Variants in MYO5A observed in about 807,000 individuals in gnomAD.
MYO5A encodes the protein myosin VA.
Under a neutral mutation model 249.7 loss-of-function variants are expected in MYO5A, and 98 were observed. The observed-to-expected ratio is 0.39, with a 90% CI of 0.33 to 0.46. The LOEUF (loss-of-function observed/expected upper bound fraction) is 0.46, where lower values mean the gene tolerates loss of function less well. MYO5A is among the 20% of genes least tolerant of loss of function. The probability of loss-of-function intolerance (pLI) is 0.98; values close to 1 mark genes in which losing one functional copy is unlikely to be tolerated. For synonymous variants in MYO5A, 778 were observed against 810.6 expected (o/e 0.96, Z 0.68); for missense variants, 1,696 against 2,308.8 (o/e 0.73, Z 5.44).
chr15:52,426,036 A>G, intron 3 of MYO5A, 62 bp from the exon 4 acceptor site: 1 of 1,427,472 alleles, frequency 7.0e-7, no homozygotes, highest in African/African-American at 1.4e-5. Flanking sequence ...TGGGCATATC[A>G]AACTTAGTAA....
At chr15:52,355,733 T>C (rs2040187804) in intron 25 of MYO5A, among the ~76,000 whole-genome samples, 1 of 152,208 alleles carries the variant, frequency 6.6e-6, no homozygotes, top group Admixed American at 6.5e-5. Flanking sequence ...GTAGAGATGA[T>C]TTAAAGAATA....
chr15:52,364,220 C>G (rs2040691899), intron 24 of MYO5A, among the ~76,000 whole-genome samples: 1 of 150,970 alleles, frequency 6.6e-6, no homozygotes, highest in Non-Finnish European at 1.5e-5. Flanking sequence ...CCTGGTGACA[C>G]AGGGAGACTC....
intron 1 of MYO5A, among the ~76,000 whole-genome samples, chr15:52,524,423 A>G (rs986177034): frequency 6.6e-5 from 10 of 151,746 alleles, no homozygotes; most frequent in Admixed American, 3.9e-4. Flanking sequence ...GTTTGGTAGC[A>G]CATGCCTGTA....
At chr15:52,506,087 C>T (rs995002477) in intron 1 of MYO5A, among the ~76,000 whole-genome samples, 1 of 152,108 alleles carries the variant, frequency 6.6e-6, no homozygotes, top group Non-Finnish European at 1.5e-5. Flanking sequence ...CGCTGTGGCT[C>T]ATGCCTGTAA....
At chr15:52,458,678 A>T (rs1457982031) in intron 1 of MYO5A, among the ~76,000 whole-genome samples, 1 of 152,134 alleles carries the variant, frequency 6.6e-6, no homozygotes, top group Non-Finnish European at 1.5e-5. Flanking sequence ...GGATATTCTA[A>T]ATACCATATT....
chr15:52,385,639 A>G (rs1261370644), intron 14 of MYO5A, among the ~76,000 whole-genome samples: 1 of 152,114 alleles, frequency 6.6e-6, no homozygotes, highest in Non-Finnish European at 1.5e-5. Flanking sequence ...GACAAAACAC[A>G]TAAATACACA....
chr15:52,356,357 T>C (rs543112556), intron 25 of MYO5A, among the ~76,000 whole-genome samples: 254 of 152,262 alleles, frequency 1.7e-3, no homozygotes, highest in African/African-American at 5.9e-3. Context: ...GCCATAATCC[T>C]ATCGCCACAG....
At position 52,377,348 on chromosome 15, in the gene MYO5A, G is replaced by A. The variant is rs113517860; in HGVS notation, c.2209-790C>T. Among the ~76,000 whole-genome samples, 928 of 151,996 alleles carry A rather than the reference G, an allele frequency of 6.1e-3. 10 individuals are homozygous for A. The highest frequency in any genetic ancestry group is 0.021 in the African/African-American group (887 of 41,452). Reference sequence around the variant, plus strand: ...GAGGCAGGGGAATTGCTTGAACCCAGGAGGTGGAGGTTGCAGTGAGCCAAG... The same window carrying A: ...GAGGCAGGGGAATTGCTTGAACCCAAGAGGTGGAGGTTGCAGTGAGCCAAG... On this transcript the variant is annotated intron_variant, in intron 18 of 41. Coordinates refer to ENST00000399233, the MANE Select transcript of MYO5A (RefSeq NM_001382347.1).
chr15:52,405,819 T>C (rs927186178), intron 8 of MYO5A, among the ~76,000 whole-genome samples: 2 of 152,268 alleles, frequency 1.3e-5, no homozygotes. Context: ...TTGTCATCAT[T>C]GTCACACACT....
At position 52,453,731 on chromosome 15, in the gene MYO5A, T is replaced by A. The variant is rs554809494; in HGVS notation, c.28-20446A>T. Among the ~76,000 whole-genome samples the A allele has an allele frequency of 3.9e-3, 595 of 152,100 alleles. 5 individuals carry two copies. The highest frequency in any genetic ancestry group is 0.012 in the African/African-American group (510 of 41,520). On this transcript the variant is annotated intron_variant, in intron 1 of 41. Coordinates refer to ENST00000399233, the MANE Select transcript of MYO5A (RefSeq NM_001382347.1). ...GGAATTAGATTATAGAGGTTTTTTT[T>A]AAAAAAATATTTCTGCATTTCTGTC...
intron 18 of MYO5A, among the ~76,000 whole-genome samples, chr15:52,376,939 T>C (rs1194140118): frequency 6.6e-6 from 1 of 152,146 alleles, no homozygotes; most frequent in Non-Finnish European, 1.5e-5. Context: ...GTATATTCCA[T>C]GAGAAGCTGA....
intron 38 of MYO5A, among the ~76,000 whole-genome samples, chr15:52,320,386 T>C (rs2038241700): frequency 1.3e-5 from 2 of 152,116 alleles, no homozygotes; most frequent in African/African-American, 4.8e-5. Context: ...GGGGTAAGGA[T>C]TTAGATTGGG....
intron 1 of MYO5A, among the ~76,000 whole-genome samples, chr15:52,467,091 C>T (rs1466533644): frequency 6.6e-6 from 1 of 152,184 alleles, no homozygotes; most frequent in East Asian, 1.9e-4. Flanking sequence ...TCTTCAGATA[C>T]ACAGAAATCA....
Position 52,314,189 on chromosome 15 carries a change from C to T in MYO5A, c.5424G>A (p.Leu1808=). 6.2e-7 allele frequency: 1 copy of T among 1,610,428 alleles called. No individual in the cohort carries two copies. Among genetic ancestry groups the T allele is most frequent in the Non-Finnish European group, 8.5e-7 (1 of 1,177,018 alleles). ...ALTTAQIVKV[L]NLYTPVNEFE... is the part of the protein sequence containing the mutation. ...ACTCATTAACTGGAGTATACAAATT[C>T]AACACTTTCACAATCTGTGAGAAAT... Residue 1808 remains leucine (L), a synonymous_variant, in exon 41 of 42, where the codon TTG becomes TTA. Coordinates refer to ENST00000399233, the MANE Select transcript of MYO5A (RefSeq NM_001382347.1).
At position 52,479,374 on chromosome 15, in the gene MYO5A, C is replaced by T. The variant is rs117947083; in HGVS notation, c.28-46089G>A. On this transcript the variant is annotated intron_variant, in intron 1 of 41. Coordinates refer to ENST00000399233, the MANE Select transcript of MYO5A (RefSeq NM_001382347.1). ...TATACTTTATGTATTCATGACATAA[C>T]TTTTTCTTATTTTTTTCGATATTTC... 8.1e-3 allele frequency among the ~76,000 whole-genome samples: 1,236 copies of T among 152,074 alleles called. 6 individuals are homozygous for T. The highest frequency in any genetic ancestry group is 0.012 in the Admixed American group (184 of 15,274).
In MYO5A at chr15:52,384,226, C is replaced by T. The variant is rs753894018; in HGVS notation, c.1849G>A (p.Ala617Thr). ...SGRTPLTRTP[A>T]KPTKGRPGQM... Reference sequence around the variant, plus strand: ...CCTGGTCTGCCTTTGGTGGGCTTTGCAGGAGTTCGTGTGAGGGGTGTGCGC... The same window carrying T: ...CCTGGTCTGCCTTTGGTGGGCTTTGTAGGAGTTCGTGTGAGGGGTGTGCGC... The change falls in exon 15 of 42, where the codon GCA (alanine) becomes ACA (threonine). Residue 617 changes from alanine (A) to threonine (T), a missense_variant. Around this residue, in one of 5 missense-constraint regions of MYO5A, gnomAD observed 277 missense variants for 422.4 expected, o/e 0.66. Transcript: ENST00000399233. The T allele has an allele frequency of 6.2e-7, 1 of 1,614,182 alleles. No homozygotes were observed. Among genetic ancestry groups the T allele is most frequent in the South Asian group, 1.1e-5 (1 of 91,086 alleles).
rs2037762590 is a variant in MYO5A, at chr15:52,311,254, A to T, written c.*2442T>A. The T allele has an allele frequency of 6.6e-6, 1 of 152,270 alleles. No individual in the cohort carries two copies. Among genetic ancestry groups the T allele is most frequent in the Non-Finnish European group, 1.5e-5 (1 of 68,066 alleles). The allele number at this position is 152,270 out of a possible 1,614,324, so 9.4% of individuals were successfully genotyped here. On this transcript the variant is annotated 3_prime_UTR_variant, in exon 42 of 42. Transcript: ENST00000399233. ...TTCAGGGTGCACGTTGAGTCGTGCT[A>T]CACAGGATGAAGCTGGGGGAGGTCT...
At chr15:52,381,478 G>A (rs1482057344) in intron 16 of MYO5A, among the ~76,000 whole-genome samples, 1 of 152,118 alleles carries the variant, frequency 6.6e-6, no homozygotes, top group East Asian at 1.9e-4. Flanking sequence ...CCTGGTCTTT[G>A]ACCTATAAAT....
chr15:52,413,262 T>C (rs941101660), intron 5 of MYO5A, among the ~76,000 whole-genome samples: 1 of 151,612 alleles, frequency 6.6e-6, no homozygotes, highest in Non-Finnish European at 1.5e-5. Context: ...CAGTAGTTCA[T>C]TTGAGATCAG....
Sources: allele counts gnomAD v4.1 joint callset (sites outside exome capture counted in the v4.1 genomes callset), GRCh38; gene constraint gnomAD v4.1.1; regional missense constraint gnomAD v4.1.1; transcripts MANE v1.5; gene names NCBI Gene and HGNC (gene_info 2026-07-23, HGNC 2026-07-21).